MSRA: variants seen among roughly 807,000 people sequenced by gnomAD.
MSRA encodes the protein methionine sulfoxide reductase A, also known as mitochondrial peptide methionine sulfoxide reductase.
MSRA carries 54 observed loss-of-function variants against 31.3 expected under a neutral mutation model. The observed-to-expected ratio is 1.73, with a 90% CI of 1.39 to 2.17. The LOEUF (loss-of-function observed/expected upper bound fraction) is 2.17. MSRA is among the 30% of genes most tolerant of loss of function. The probability of loss-of-function intolerance (pLI) is 0.00; values close to 1 mark genes in which losing one functional copy is unlikely to be tolerated. For synonymous variants in MSRA, 169 were observed against 116.5 expected, an observed-to-expected ratio of 1.45 and a Z score of -2.90; for missense variants, 507 against 300.9, an observed-to-expected ratio of 1.69 and a Z score of -5.07.
chr8:10,392,053 A>C (rs1806781765), intron 5 of MSRA, among the ~76,000 whole-genome samples: 1 of 152,150 alleles, frequency 6.6e-6, no homozygotes, highest in African/African-American at 2.4e-5. Flanking sequence ...TGAGGTGGGA[A>C]GGTTTGGTGG....
In MSRA at chr8:10,138,335, G is replaced by A. The variant is rs530244394; in HGVS notation, c.143-69498G>A. 3.7e-4 allele frequency among the ~76,000 whole-genome samples: 56 copies of A among 152,296 alleles called. No homozygotes were observed. The South Asian group carries it at 8.3e-3, about 23-fold the overall frequency. ...TTGAAGATGGGAGGGTGTGGGAGCCGCGGGACACGGTGTGGATGTCACAGT... is the reference window on the plus strand; with the variant it reads ...TTGAAGATGGGAGGGTGTGGGAGCCACGGGACACGGTGTGGATGTCACAGT... On this transcript the variant is annotated intron_variant, in intron 1 of 5. Coordinates refer to ENST00000317173, the MANE Select transcript of MSRA (RefSeq NM_012331.5).
intron 1 of MSRA, among the ~76,000 whole-genome samples, chr8:10,183,915 G>A (rs1025509566): frequency 2.7e-5 from 4 of 150,446 alleles, no homozygotes; most frequent in Admixed American, 2.6e-4. Flanking sequence ...TGGTGGTGAT[G>A]GTCTTGGTGG....
rs753425355 is a variant in MSRA at position 10,301,633 on chromosome 8, C to G, written c.431C>G (p.Thr144Ser). ...LKVFWENHDPTQGMRQGNDHG... is the reference protein window; with the variant it reads ...LKVFWENHDPSQGMRQGNDHG... Reference sequence around the variant, plus strand: ...GTCTTCTGGGAGAATCACGACCCGACCCAAGGTAGAGTGATGAGTGAGCCA... The same window carrying G: ...GTCTTCTGGGAGAATCACGACCCGAGCCAAGGTAGAGTGATGAGTGAGCCA... Residue 144 changes from threonine (T) to serine (S), a missense_variant, in exon 4 of 6, where the codon ACC (threonine) becomes AGC (serine). Thr to Ser is a moderately conservative substitution (Grantham distance 58). Coordinates refer to ENST00000317173, the MANE Select transcript of MSRA (RefSeq NM_012331.5). 1 of 1,613,038 alleles carries G rather than the reference C, an allele frequency of 6.2e-7. No individual in the cohort carries two copies. The highest frequency in any genetic ancestry group is 1.1e-5 in the South Asian group (1 of 91,002).
chr8:10,092,884 T>C (rs1302339793), intron 1 of MSRA, among the ~76,000 whole-genome samples: 1 of 152,220 alleles, frequency 6.6e-6, no homozygotes, highest in Non-Finnish European at 1.5e-5. Context: ...TTATGTATGT[T>C]TATATTGGTT....
At chr8:10,381,730 A>G (rs183018218) in intron 5 of MSRA, among the ~76,000 whole-genome samples, 20 of 152,218 alleles carry the variant, frequency 1.3e-4, no homozygotes, top group African/African-American at 4.1e-4. Context: ...TGCTGCCCCA[A>G]TGACAGTGCT....
At chr8:10,245,581 G>T (rs1057155285) in intron 3 of MSRA, among the ~76,000 whole-genome samples, 1 of 152,244 alleles carries the variant, frequency 6.6e-6, no homozygotes. Context: ...AGGTCAACCT[G>T]TGGGTTGCCT....
intron 1 of MSRA, among the ~76,000 whole-genome samples, chr8:10,134,060 G>A (rs1186358111): frequency 1.3e-5 from 2 of 152,124 alleles, no homozygotes; most frequent in African/African-American, 4.8e-5. Context: ...CCCAACTCCT[G>A]ACCTCAGGCG....
At chr8:10,137,868 G>A (rs942735126) in intron 1 of MSRA, among the ~76,000 whole-genome samples, 15 of 152,092 alleles carry the variant, frequency 9.9e-5, no homozygotes, top group Admixed American at 7.9e-4. Context: ...TACTGTAGAG[G>A]CATGTTTTTA....
chr8:10,269,229 C>A (rs754681507), intron 3 of MSRA, among the ~76,000 whole-genome samples: 5 of 152,178 alleles, frequency 3.3e-5, no homozygotes, highest in Non-Finnish European at 5.9e-5. Flanking sequence ...AGAAATGATA[C>A]CACAGAGTGA....
chr8:10,388,200 AAAG>A (rs1162402623), intron 5 of MSRA, among the ~76,000 whole-genome samples: 1 of 152,212 alleles, frequency 6.6e-6, no homozygotes, highest in Non-Finnish European at 1.5e-5. Context: ...TGAAATGAAG[AAAG>A]AAGGTTATGG....
intron 5 of MSRA, among the ~76,000 whole-genome samples, chr8:10,409,059 T>G (rs1395077510): frequency 6.6e-6 from 1 of 152,240 alleles, no homozygotes; most frequent in Non-Finnish European, 1.5e-5. Context: ...CATGTAATGA[T>G]TTATTTTCCT....
At chr8:10,125,755 G>A (rs1462047864) in intron 1 of MSRA, among the ~76,000 whole-genome samples, 1 of 152,224 alleles carries the variant, frequency 6.6e-6, no homozygotes, top group African/African-American at 2.4e-5. Context: ...CAAAGGTATT[G>A]CACAATAGAA....
chr8:10,074,758 A>C (rs1035171368), intron 1 of MSRA, among the ~76,000 whole-genome samples: 8 of 151,992 alleles, frequency 5.3e-5, no homozygotes, highest in Non-Finnish European at 7.4e-5. Context: ...TCCTGGGTTC[A>C]AGTGATTCTT....
At chr8:10,220,575 A>T (rs11987560) in intron 2 of MSRA, among the ~76,000 whole-genome samples, 20,320 of 152,196 alleles carry the variant, frequency 0.13, 1,498 homozygotes, top group East Asian at 0.27. Flanking sequence ...GTTGTCTCCT[A>T]AAAAGTCCTT....
intron 3 of MSRA, among the ~76,000 whole-genome samples, chr8:10,276,724 T>C (rs185713474): frequency 2.0e-4 from 31 of 152,336 alleles, no homozygotes; most frequent in African/African-American, 6.7e-4. Flanking sequence ...GCAACTGATA[T>C]GCAGCTTCAA....
intron 1 of MSRA, among the ~76,000 whole-genome samples, chr8:10,094,328 A>T (rs1327508214): frequency 1.3e-5 from 2 of 152,246 alleles, no homozygotes; most frequent in Non-Finnish European, 2.9e-5. Context: ...GGACAGCTGT[A>T]TATGGAAGGC....
At chr8:10,259,305 G>T (rs1226508725) in intron 3 of MSRA, among the ~76,000 whole-genome samples, 6 of 152,122 alleles carry the variant, frequency 3.9e-5, no homozygotes, top group Non-Finnish European at 7.3e-5. Context: ...TGCCCCAGAG[G>T]CTAAATAAAT....
chr8:10,288,280 C>T (rs374736478), intron 3 of MSRA, among the ~76,000 whole-genome samples: 9 of 152,064 alleles, frequency 5.9e-5, no homozygotes, highest in Non-Finnish European at 1.3e-4. Flanking sequence ...TACTATATAC[C>T]ACTAGTTACT....
chr8:10,112,049 G>C (rs1422715116), intron 1 of MSRA, among the ~76,000 whole-genome samples: 1 of 139,810 alleles, frequency 7.2e-6, no homozygotes, highest in African/African-American at 2.5e-5. Context: ...TTTTGACTTA[G>C]TTTTAAATTC....
Sources: gnomAD v4.1 joint callset for allele counts (sites outside exome capture counted in the v4.1 genomes callset) on GRCh38, gnomAD v4.1.1 for gene constraint, MANE v1.5 for transcripts, NCBI Gene and HGNC (gene_info 2026-07-23, HGNC 2026-07-21) for gene names.